Variants in UST observed in about 807,000 individuals in gnomAD.
The protein encoded by UST is uronyl 2-sulfotransferase, also known as chondroitin sulfate 2-O-sulfotransferase.
In UST, 21 loss-of-function variants were observed where a neutral mutation model predicts 45.6. The ratio of observed to expected loss-of-function variants is 0.46; its 90% CI spans 0.33 to 0.66. The LOEUF is 0.66. Ranked by LOEUF, UST falls within the 30% of genes least tolerant of loss-of-function variation. UST has a pLI of 0.02. For synonymous variants in UST, 215 were observed against 200.6 expected (o/e 1.07, Z -0.61); for missense variants, 463 against 512.4 (o/e 0.90, Z 0.93).
At chr6:149,010,913 A>AAAAAAAAAAAAAAAAAAAAAAAGC (rs755674810) in intron 5 of UST, among the ~76,000 whole-genome samples, 1 of 92,968 alleles carries the variant, frequency 1.1e-5, no homozygotes, top group African/African-American at 4.4e-5. Context: ...AAAAAAAAAA[A>AAAAAAAAAAAAAAAAAAAAAAAGC]AAAAAACTGT....
chr6:148,905,538 C>T (rs1373701386), intron 2 of UST, among the ~76,000 whole-genome samples: 1 of 152,256 alleles, frequency 6.6e-6, no homozygotes, highest in Non-Finnish European at 1.5e-5. Flanking sequence ...CCCATTGGCT[C>T]CCTTCCCCTC....
At chr6:148,881,578 C>G (rs560041435) in intron 1 of UST, among the ~76,000 whole-genome samples, 60 of 152,254 alleles carry the variant, frequency 3.9e-4, no homozygotes, top group Non-Finnish European at 6.6e-4. Context: ...CAGGAGCGTG[C>G]TTGTCCTCTG....
chr6:149,037,527 C>T (rs776492596), intron 7 of UST, among the ~76,000 whole-genome samples: 108 of 152,270 alleles, frequency 7.1e-4, no homozygotes, highest in Non-Finnish European at 1.2e-3. Flanking sequence ...TGGAGGCTGG[C>T]GAACACTCTT....
At chr6:149,042,088 G>A (rs1360780669) in intron 7 of UST, among the ~76,000 whole-genome samples, 2 of 152,122 alleles carry the variant, frequency 1.3e-5, no homozygotes, top group African/African-American at 4.8e-5. Context: ...ATTTTATGTG[G>A]GCTACCTAAT....
rs547485423 is a variant in UST, at chr6:148,898,986, C to T, written c.291+11957C>T. On this transcript the variant is annotated intron_variant, in intron 2 of 7. Coordinates refer to ENST00000367463, the MANE Select transcript of UST (RefSeq NM_005715.3). ...AAACTGCTTTAGCAAATTAAGAAAA[C>T]CCATGCCACCATTCCTTGGCAGAGT... Among the ~76,000 whole-genome samples, 120 of 152,024 alleles carry T rather than the reference C, an allele frequency of 7.9e-4. 2 individuals are homozygous for T. The highest frequency in any genetic ancestry group is 2.8e-3 in the African/African-American group (117 of 41,530).
rs774294857 is a variant in UST at position 148,989,197 on chromosome 6, A to C, written c.681+24634A>C. 5.3e-4 allele frequency among the ~76,000 whole-genome samples: 77 copies of C among 145,610 alleles called. 1 individual carries two copies. The highest frequency in any genetic ancestry group is 7.0e-3 in the Middle Eastern group (2 of 284). ...AACTTCATGAAGGTGGAATTACTTG[A>C]CTTCAGTAAAGGCCCCCCCCCACCC... On this transcript the variant is annotated intron_variant, in intron 5 of 7. Coordinates refer to ENST00000367463, the MANE Select transcript of UST (RefSeq NM_005715.3).
At chr6:148,959,534 T>C (rs1260714831) in intron 4 of UST, among the ~76,000 whole-genome samples, 1 of 152,232 alleles carries the variant, frequency 6.6e-6, no homozygotes, top group Non-Finnish European at 1.5e-5. Flanking sequence ...ATTGGCACTT[T>C]CTTCCTCATG....
At chr6:149,007,614 G>A (rs1276791792) in intron 5 of UST, among the ~76,000 whole-genome samples, 1 of 149,350 alleles carries the variant, frequency 6.7e-6, no homozygotes, top group Non-Finnish European at 1.5e-5. Flanking sequence ...AGTAGAGACG[G>A]GGTTTCACCA....
chr6:148,930,948 G>C (rs1264029805), intron 2 of UST, among the ~76,000 whole-genome samples: 1 of 152,226 alleles, frequency 6.6e-6, no homozygotes, highest in African/African-American at 2.4e-5. Flanking sequence ...GATTCACAGT[G>C]AACAGTATAT....
intron 2 of UST, among the ~76,000 whole-genome samples, chr6:148,933,367 CAGAT>C (rs1258378139): frequency 3.9e-5 from 6 of 152,250 alleles, no homozygotes; most frequent in Non-Finnish European, 1.5e-5. Flanking sequence ...ATGCACATAA[CAGAT>C]AGACCCAGAT....
chr6:149,024,510 A>G (rs1441652697), intron 7 of UST, among the ~76,000 whole-genome samples: 1 of 152,084 alleles, frequency 6.6e-6, no homozygotes, highest in Non-Finnish European at 1.5e-5. Context: ...CTCTATCCCA[A>G]CAAGTTTCCG....
At chr6:149,071,941 C>T (rs1266130333) in intron 7 of UST, among the ~76,000 whole-genome samples, 1 of 152,154 alleles carries the variant, frequency 6.6e-6, no homozygotes, top group African/African-American at 2.4e-5. Flanking sequence ...AAACCATTAG[C>T]ATCAGCATCA....
chr6:148,749,983 T>C (rs970851067), intron 1 of UST, among the ~76,000 whole-genome samples: 1 of 152,216 alleles, frequency 6.6e-6, no homozygotes, highest in African/African-American at 2.4e-5. Context: ...AAAATATACC[T>C]TTAATAATAT....
intron 1 of UST, among the ~76,000 whole-genome samples, chr6:148,823,194 T>A (rs978021929): frequency 6.6e-6 from 1 of 152,240 alleles, no homozygotes; most frequent in South Asian, 2.1e-4. Flanking sequence ...TTTTCTTGCA[T>A]AACTACATGC....
At chr6:148,820,247 C>T (rs1193138378) in intron 1 of UST, among the ~76,000 whole-genome samples, 2 of 152,118 alleles carry the variant, frequency 1.3e-5, no homozygotes, top group East Asian at 1.9e-4. Flanking sequence ...AAAAAATTCC[C>T]ATATGCCCTC....
chr6:148,810,807 C>T (rs994735099), intron 1 of UST, among the ~76,000 whole-genome samples: 2 of 152,182 alleles, frequency 1.3e-5, no homozygotes, highest in African/African-American at 4.8e-5. Context: ...GGTGTTAAAA[C>T]TACTTCTCAA....
intron 4 of UST, among the ~76,000 whole-genome samples, chr6:148,964,071 G>C (rs1297315369): frequency 6.6e-6 from 1 of 152,176 alleles, no homozygotes; most frequent in East Asian, 1.9e-4. Context: ...ATCCAATACA[G>C]AGTGGCCCCC....
Position 148,953,895 on chromosome 6 carries a change from T to C in UST, c.471T>C (p.Ser157=). ...AGATGGAACTGATTAAAAATATAAG[T>C]ACTGCCGAACAACCCTATTTATTCA... ...NEQMELIKNI[S]TAEQPYLFTR... Residue 157 remains serine, a synonymous_variant, in exon 4 of 8, where the codon AGT becomes AGC. Transcript: ENST00000367463. 6.2e-7 allele frequency: 1 copy of C among 1,607,910 alleles called. No homozygotes were observed. The highest frequency in any genetic ancestry group is 8.5e-7 in the Non-Finnish European group (1 of 1,177,412).
chr6:148,996,928 T>A (rs1167880539), intron 5 of UST, among the ~76,000 whole-genome samples: 1 of 152,248 alleles, frequency 6.6e-6, no homozygotes, highest in Non-Finnish European at 1.5e-5. Context: ...TGTTTTTAAT[T>A]AGAATTTTTA....
Sources: gnomAD v4.1 joint callset for allele counts (sites outside exome capture counted in the v4.1 genomes callset) on GRCh38, gnomAD v4.1.1 for gene constraint, MANE v1.5 for transcripts, NCBI Gene and HGNC (gene_info 2026-07-23, HGNC 2026-07-21) for gene names.